The following HIPK3 variants were observed in gnomAD, a reference collection of about 807,000 sequenced individuals.
HIPK3 encodes the protein homeodomain-interacting protein kinase 3.
HIPK3 carries 47 observed loss-of-function variants against 124.2 expected under a neutral mutation model. The observed-to-expected ratio is 0.38, with a 90% CI of 0.30 to 0.48. HIPK3 has a LOEUF of 0.48. HIPK3 is among the 20% of genes least tolerant of loss of function. HIPK3 has a pLI of 0.98. For missense variants in HIPK3, 1,286 were observed against 1,454.3 expected, an observed-to-expected ratio of 0.88 and a Z score of 1.88; for synonymous variants, 482 against 515.2, an observed-to-expected ratio of 0.94 and a Z score of 0.87.
chr11:33,288,059 T>G (rs1325321690), intron 2 of HIPK3, among the ~76,000 whole-genome samples: 1 of 152,202 alleles, frequency 6.6e-6, no homozygotes, highest in Non-Finnish European at 1.5e-5. Flanking sequence ...TTCGTTTCCT[T>G]TGAGTGTCAT....
rs58073130 is a variant in HIPK3 at position 33,342,102 on chromosome 11, C to CAAAAA, written c.1897+437_1897+441dup. ...TGGGCGACAGAGTGAGACTCTGTCT[C>CAAAAA]AAAAAAAAAAAAAAAAAAAAAAAAA... is the stretch of plus-strand genomic sequence containing the variant. On this transcript the variant is annotated intron_variant, in intron 8 of 16. Transcript: ENST00000303296. 4.0e-3 allele frequency among the ~76,000 whole-genome samples: 223 copies of CAAAAA among 55,564 alleles called. 5 individuals carry two copies. Among genetic ancestry groups the CAAAAA allele is most frequent in the African/African-American group, 0.016 (208 of 13,246 alleles). 36.5% of individuals were successfully genotyped at this position (55,564 alleles called of 152,430 possible).
chr11:33,303,542 G>A (rs1184271466), intron 2 of HIPK3, among the ~76,000 whole-genome samples: 1 of 152,134 alleles, frequency 6.6e-6, no homozygotes, highest in African/African-American at 2.4e-5. Context: ...ATGTAGCTTT[G>A]TTTTAAAAGT....
At chr11:33,330,381 T>C (rs1052849885) in intron 3 of HIPK3, among the ~76,000 whole-genome samples, 1 of 152,174 alleles carries the variant, frequency 6.6e-6, no homozygotes, top group African/African-American at 2.4e-5. Flanking sequence ...CAGGCTGGAG[T>C]GCAGTGGCGT....
chr11:33,301,711 A>C (rs540482676), intron 2 of HIPK3, among the ~76,000 whole-genome samples: 4 of 151,560 alleles, frequency 2.6e-5, no homozygotes, highest in South Asian at 4.2e-4. Flanking sequence ...CCTGTCAGCT[A>C]TCTGGGATGC....
intron 2 of HIPK3, among the ~76,000 whole-genome samples, chr11:33,317,525 C>G (rs1183225098): frequency 6.6e-6 from 1 of 152,080 alleles, no homozygotes; most frequent in African/African-American, 2.4e-5. Flanking sequence ...GCTTGGCCTC[C>G]CAAAGAGTTG....
chr11:33,258,756 G>A, intron 1 of HIPK3: 1 of 932,864 alleles, frequency 1.1e-6, no homozygotes. Flanking sequence ...GCGCTGAAGA[G>A]TGTGTGCGTA....
At chr11:33,279,137 A>C (rs1164845849) in intron 1 of HIPK3, among the ~76,000 whole-genome samples, 1 of 152,080 alleles carries the variant, frequency 6.6e-6, no homozygotes, top group Non-Finnish European at 1.5e-5. Context: ...AACATGGCGA[A>C]ACCCCATCTC....
At chr11:33,334,946 A>T (rs1332329001) in intron 3 of HIPK3, among the ~76,000 whole-genome samples, 2 of 152,160 alleles carry the variant, frequency 1.3e-5, no homozygotes, top group Non-Finnish European at 2.9e-5. Flanking sequence ...ATTGAAGAGG[A>T]TCTGAGGTAG....
chr11:33,293,971 A>G (rs1851769509), intron 2 of HIPK3, among the ~76,000 whole-genome samples: 2 of 152,120 alleles, frequency 1.3e-5, no homozygotes, highest in African/African-American at 4.8e-5. Context: ...GTTCGAGTCC[A>G]GCCTGGCGAG....
intron 2 of HIPK3, among the ~76,000 whole-genome samples, chr11:33,310,916 G>A (rs890256079): frequency 6.6e-6 from 1 of 152,182 alleles, no homozygotes; most frequent in African/African-American, 2.4e-5. Context: ...AGCCCTTTGT[G>A]GTTTTGCTTG....
chr11:33,336,979 A>G, intron 3 of HIPK3, 96 bp from the exon 4 acceptor site: 1 of 823,866 alleles, frequency 1.2e-6, no homozygotes, highest in Non-Finnish European at 1.9e-6. Flanking sequence ...TAGACTATGT[A>G]TTTTCATACC....
chr11:33,347,101 T>C (rs568829688), intron 8 of HIPK3, among the ~76,000 whole-genome samples, 192 bp from the exon 9 acceptor site: 1 of 152,108 alleles, frequency 6.6e-6, no homozygotes, highest in African/African-American at 2.4e-5. Context: ...GAGGATCCAC[T>C]TGAGTCCAGG....
chr11:33,257,647 G>C lies in HIPK3; in HGVS notation c.-245G>C, dbSNP rs1220058773. ...CCGGGAAGGAAGATGAGGGAGACGG[G>C]CCCGGCGCTTAGCAGCCAGAGCAGC... is the stretch of plus-strand genomic sequence containing the variant. On this transcript the variant is annotated 5_prime_UTR_variant, in exon 1 of 17. Coordinates refer to ENST00000303296, the MANE Select transcript of HIPK3 (RefSeq NM_005734.5). 2 of 991,730 alleles carry C rather than the reference G, an allele frequency of 2.0e-6. No homozygotes were observed. Among genetic ancestry groups the C allele is most frequent in the Non-Finnish European group, 2.4e-6 (2 of 834,408 alleles). 61.4% of individuals were successfully genotyped at this position (991,730 alleles called of 1,614,324 possible). A position where few individuals can be genotyped will look rare whatever the true frequency, so the allele number is the denominator to read the frequency against.
chr11:33,311,985 C>CT, intron 2 of HIPK3, among the ~76,000 whole-genome samples: 1 of 148,474 alleles, frequency 6.7e-6, no homozygotes, highest in South Asian at 2.2e-4. Context: ...TACACACACA[C>CT]ACACACACAC....
chr11:33,259,240 G>T (rs1247697058), intron 1 of HIPK3, among the ~76,000 whole-genome samples: 1 of 152,114 alleles, frequency 6.6e-6, no homozygotes, highest in Non-Finnish European at 1.5e-5. Context: ...AATTTTTGAT[G>T]AAAAGTCTTG....
At chr11:33,298,459 C>T (rs565749159) in intron 2 of HIPK3, among the ~76,000 whole-genome samples, 13 of 152,344 alleles carry the variant, frequency 8.5e-5, no homozygotes, top group African/African-American at 3.1e-4. Flanking sequence ...CTGCATGCAT[C>T]AGGGAGTCAT....
chr11:33,273,243 G>T (rs376123883), intron 1 of HIPK3, among the ~76,000 whole-genome samples: 4 of 152,028 alleles, frequency 2.6e-5, no homozygotes, highest in Non-Finnish European at 5.9e-5. Flanking sequence ...GGTGGCTTAC[G>T]CCTGTAATCC....
At chr11:33,319,867 A>T (rs779883034) in intron 2 of HIPK3, among the ~76,000 whole-genome samples, 1 of 152,262 alleles carries the variant, frequency 6.6e-6, no homozygotes, top group Non-Finnish European at 1.5e-5. Flanking sequence ...GACAAGTGCT[A>T]TAGAGAACAG....
intron 2 of HIPK3, among the ~76,000 whole-genome samples, chr11:33,322,698 T>C (rs1852700355): frequency 6.6e-6 from 1 of 152,130 alleles, no homozygotes; most frequent in Non-Finnish European, 1.5e-5. Flanking sequence ...TGGTGGCACA[T>C]GCCTGTAGTC....
Sources: gnomAD v4.1 joint callset for allele counts (sites outside exome capture counted in the v4.1 genomes callset) on GRCh38, gnomAD v4.1.1 for gene constraint, MANE v1.5 for transcripts, NCBI Gene and HGNC (gene_info 2026-07-23, HGNC 2026-07-21) for gene names.